LMNB2: variants seen among roughly 807,000 people sequenced by gnomAD.
The protein encoded by LMNB2 is lamin B2.
A neutral mutation model predicts 69.3 loss-of-function variants in LMNB2; 17 were observed. The ratio of observed to expected loss-of-function variants is 0.25; its 90% confidence interval spans 0.17 to 0.37. LMNB2 has a LOEUF of 0.37. Among genes scored for constraint, LMNB2 ranks in the 10% least tolerant of loss-of-function variants. The probability of loss-of-function intolerance (pLI) is 1.00; values close to 1 mark genes in which losing one functional copy is unlikely to be tolerated. For missense variants in LMNB2, 789 were observed against 883.6 expected (o/e 0.89, Z 1.36); for synonymous variants, 397 against 389.3 (o/e 1.02, Z -0.23).
At chr19:2,438,973 T>G (rs1383851026) in intron 2 of LMNB2, among the ~76,000 whole-genome samples, 1 of 148,534 alleles carries the variant, frequency 6.7e-6, no homozygotes, top group African/African-American at 2.5e-5. Flanking sequence ...ATATTTAAGA[T>G]AGCAAATACT....
chr19:2,453,392 C>T lies in LMNB2; in HGVS notation c.264+3278G>A, dbSNP rs1447095738. Among the ~76,000 whole-genome samples, 1 of 152,000 alleles carries T rather than the reference C, an allele frequency of 6.6e-6. No homozygotes were observed. Among genetic ancestry groups the T allele is most frequent in the Non-Finnish European group, 1.5e-5 (1 of 67,976 alleles). ...GCTCTCTGAACCCCACGTGGCCCACCTGTGTCTAGAAGGCCCCCAGCTATT... is the reference window on the plus strand; with the variant it reads ...GCTCTCTGAACCCCACGTGGCCCACTTGTGTCTAGAAGGCCCCCAGCTATT... On this transcript the variant is annotated intron_variant, in intron 1 of 11. Coordinates refer to ENST00000325327, the MANE Select transcript of LMNB2 (RefSeq NM_032737.4). The surrounding 1 kb of genome is among the most constrained non-coding windows in gnomAD (Gnocchi z 4.4).
intron 5 of LMNB2, 27 bp from the exon 6 acceptor site, chr19:2,434,940 GGGCGCGGGGC>G: frequency 6.3e-7 from 1 of 1,587,414 alleles, no homozygotes; most frequent in Non-Finnish European, 8.5e-7. Context: ...GGGTGAGTGC[GGGCGCGGGGC>G]GGGGCGGGGT....
chr19:2,439,923 G>A (rs1167186517), intron 2 of LMNB2, among the ~76,000 whole-genome samples: 2 of 151,906 alleles, frequency 1.3e-5, no homozygotes, highest in Non-Finnish European at 2.9e-5. Flanking sequence ...AGTAGAGATG[G>A]GGTTTCTCCA....
At chr19:2,445,703 A>T (rs1420522726) in intron 1 of LMNB2, among the ~76,000 whole-genome samples, 1 of 86,300 alleles carries the variant, frequency 1.2e-5, no homozygotes, top group African/African-American at 5.1e-5. Context: ...GATCACAGGG[A>T]TCTGCAGTCA....
chr19:2,450,112 A>ACG, intron 1 of LMNB2, among the ~76,000 whole-genome samples: 2 of 145,678 alleles, frequency 1.4e-5, no homozygotes, highest in South Asian at 2.2e-4. Flanking sequence ...ATATACATAT[A>ACG]TATATACACA....
In LMNB2 at chr19:2,444,392, G is replaced by A. The variant is rs375417244; in HGVS notation, c.401+12C>T. 6.6e-5 allele frequency: 107 copies of A among 1,613,414 alleles called. 1 individual carries two copies. The highest frequency in any genetic ancestry group is 1.1e-4 in the East Asian group (5 of 44,888). Reference sequence around the variant, plus strand: ...GATCAGGGTGACGTCGTGCCCAGCCGTGACCACTCACCTCTTGTTGACCTC... The same window carrying A: ...GATCAGGGTGACGTCGTGCCCAGCCATGACCACTCACCTCTTGTTGACCTC... On this transcript the variant is annotated intron_variant, in intron 2 of 11. Transcript: ENST00000325327.
chr19:2,449,855 C>CA (rs1412355113), intron 1 of LMNB2, among the ~76,000 whole-genome samples: 1 of 151,316 alleles, frequency 6.6e-6, no homozygotes, highest in Non-Finnish European at 1.5e-5. Flanking sequence ...GCAGTTGGAT[C>CA]ACCTGAGGTC....
intron 1 of LMNB2, among the ~76,000 whole-genome samples, chr19:2,455,712 G>A (rs558553613): frequency 6.6e-6 from 1 of 151,456 alleles, no homozygotes; most frequent in Non-Finnish European, 1.5e-5. Flanking sequence ...GTCCCCAAGA[G>A]AATGGGCCAC....
At chr19:2,454,919 C>T (rs1323015881) in intron 1 of LMNB2, among the ~76,000 whole-genome samples, 1 of 152,092 alleles carries the variant, frequency 6.6e-6, no homozygotes, top group Non-Finnish European at 1.5e-5. Flanking sequence ...CAGACTTTCC[C>T]GCCTCTTCTC....
rs186563057 is a variant in LMNB2, at chr19:2,443,589, C to T, written c.401+815G>A. On this transcript the variant is annotated intron_variant, in intron 2 of 11. Coordinates refer to ENST00000325327, the MANE Select transcript of LMNB2 (RefSeq NM_032737.4). The surrounding 1 kb of genome is among the most constrained non-coding windows in gnomAD (Gnocchi z 6.2). ...AGTGTGGGAAGACCCTGACCCACCC[C>T]AGCCTGAGGAAATCCGAGGCACCTG... Among the ~76,000 whole-genome samples the T allele has an allele frequency of 1.3e-5, 2 of 152,244 alleles. No individual in the cohort carries two copies. Among genetic ancestry groups the T allele is most frequent in the African/African-American group, 4.8e-5 (2 of 41,548 alleles).
rs1435110403 is a variant in LMNB2 at position 2,443,371 on chromosome 19, C to G, written c.401+1033G>C. Among the ~76,000 whole-genome samples, 4 of 152,194 alleles carry G rather than the reference C, an allele frequency of 2.6e-5. No individual in the cohort carries two copies. Among genetic ancestry groups the G allele is most frequent in the Non-Finnish European group, 5.9e-5 (4 of 68,022 alleles). On this transcript the variant is annotated intron_variant, in intron 2 of 11. Coordinates refer to ENST00000325327, the MANE Select transcript of LMNB2 (RefSeq NM_032737.4). This position sits in a 1 kb window ranked among gnomAD's most constrained non-coding sequence, Gnocchi z 6.2. ...CGGATGGAGAGGTCACCTGCAACCA[C>G]GCATGGGGGCCCCGGCACTGTTGGA...
intron 4 of LMNB2, among the ~76,000 whole-genome samples, chr19:2,435,816 T>TC (rs1971815261): frequency 7.1e-6 from 1 of 141,424 alleles, no homozygotes; most frequent in Non-Finnish European, 1.5e-5. Flanking sequence ...AGACTGCGTC[T>TC]CAAAAAAAAA....
At chr19:2,442,895 C>G (rs1971914164) in intron 2 of LMNB2, among the ~76,000 whole-genome samples, 1 of 152,170 alleles carries the variant, frequency 6.6e-6, no homozygotes, top group Non-Finnish European at 1.5e-5. Flanking sequence ...CTGTACATTT[C>G]AACATCTTAA....
In LMNB2 at chr19:2,434,943, C is replaced by T. The variant is rs62122269; in HGVS notation, c.856-30G>A. ...GGGGAGACGGGCGGGTGAGTGCGGG[C>T]GCGGGGCGGGGCGGGGTTCCCACCG... On this transcript the variant is annotated intron_variant, in intron 5 of 11. Coordinates refer to ENST00000325327, the MANE Select transcript of LMNB2 (RefSeq NM_032737.4). The T allele has an allele frequency of 0.18, 289,482 of 1,585,874 alleles. 27,546 individuals are homozygous for T. Among genetic ancestry groups the T allele is most frequent in the African/African-American group, 0.27 (20,475 of 74,608 alleles).
chr19:2,434,205 C>A, intron 7 of LMNB2, 90 bp downstream of exon 7: 3 of 1,542,430 alleles, frequency 1.9e-6, no homozygotes, highest in East Asian at 2.4e-5. Context: ...TCCACCCCTG[C>A]CCAGCACTCC....
At chr19:2,449,376 C>CTT (rs2145469432) in intron 1 of LMNB2, among the ~76,000 whole-genome samples, 1 of 152,318 alleles carries the variant, frequency 6.6e-6, no homozygotes, top group African/African-American at 2.4e-5. Flanking sequence ...ACAAGGGGCA[C>CTT]GTCTCCTAAC....
rs757203174 is a variant in LMNB2 at position 2,434,530 on chromosome 19, G to T, written c.982-15C>A. On this transcript the variant is annotated splice_polypyrimidine_tract_variant and intron_variant, in intron 6 of 11. Coordinates refer to ENST00000325327, the MANE Select transcript of LMNB2 (RefSeq NM_032737.4). Reference sequence around the variant, plus strand: ...GCGGCACTGGCCTGCGGAGGGGGCGGGTGGCGAAGGTCAGGGCAGCCCATG... The same window carrying T: ...GCGGCACTGGCCTGCGGAGGGGGCGTGTGGCGAAGGTCAGGGCAGCCCATG... 22 of 1,609,168 alleles carry T rather than the reference G, an allele frequency of 1.4e-5. No individual in the cohort carries two copies. The highest frequency in any genetic ancestry group is 1.6e-5 in the Non-Finnish European group (19 of 1,179,312).
intron 7 of LMNB2, 55 bp downstream of exon 7, chr19:2,434,240 C>A (rs1197347842): frequency 1.9e-6 from 3 of 1,593,452 alleles, no homozygotes; most frequent in African/African-American, 2.7e-5. Flanking sequence ...CGCCTCTCCT[C>A]CTGCCCTGCC....
In LMNB2 at chr19:2,430,181, G is replaced by C. The variant is rs1971719802; in HGVS notation, c.*730C>G. ...ATTGTTGTGACAGGTCTTACGACGG[G>C]ACTGTCCTCATTCTTCCTTCCCCAG... On this transcript the variant is annotated 3_prime_UTR_variant, in exon 12 of 12. Transcript: ENST00000325327. 2 of 156,824 alleles carry C rather than the reference G, an allele frequency of 1.3e-5. No homozygotes were observed. The highest frequency in any genetic ancestry group is 4.8e-5 in the African/African-American group (2 of 41,462). The allele number at this position is 156,824 out of a possible 1,614,324, so 9.7% of individuals were successfully genotyped here.
Sources: gnomAD v4.1 joint callset for allele counts (sites outside exome capture counted in the v4.1 genomes callset) on GRCh38, gnomAD v4.1.1 for gene constraint, Gnocchi (gnomAD v3.1) non-coding constraint, MANE v1.5 for transcripts, NCBI Gene and HGNC (gene_info 2026-07-23, HGNC 2026-07-21) for gene names.